Variants in AGBL1 observed in about 807,000 individuals in gnomAD.
AGBL1 encodes cytosolic carboxypeptidase 4.
AGBL1 carries 130 observed loss-of-function variants against 118.9 expected under a neutral mutation model. That is an observed-to-expected ratio of 1.09 (90% CI 0.95 to 1.26). AGBL1 has a LOEUF of 1.26. Ranked by LOEUF, AGBL1 falls within the 50% of genes most tolerant of loss-of-function variation. The pLI is 0.00. For synonymous variants in AGBL1, 555 were observed against 478.9 expected, an observed-to-expected ratio of 1.16 and a Z score of -2.08; for missense variants, 1,584 against 1,298.1, an observed-to-expected ratio of 1.22 and a Z score of -3.38.
intron 22 of AGBL1, among the ~76,000 whole-genome samples, chr15:86,733,359 A>C (rs1455067309): frequency 6.6e-6 from 1 of 152,138 alleles, no homozygotes; most frequent in African/African-American, 2.4e-5. Context: ...TATGATGGCC[A>C]ACCACTGTGA....
At chr15:86,753,571 T>C (rs2077888642) in intron 22 of AGBL1, among the ~76,000 whole-genome samples, 2 of 151,968 alleles carry the variant, frequency 1.3e-5, no homozygotes, top group Non-Finnish European at 2.9e-5. Flanking sequence ...CTAATTTTTG[T>C]ATTTTTAGTA....
chr15:86,795,746 A>C (rs1409841853), intron 22 of AGBL1, among the ~76,000 whole-genome samples: 2 of 151,186 alleles, frequency 1.3e-5, no homozygotes, highest in South Asian at 2.1e-4. Context: ...CACAACACCC[A>C]GCTAATTTTT....
intron 17 of AGBL1, among the ~76,000 whole-genome samples, chr15:86,353,701 T>C (rs1179140306): frequency 1.3e-5 from 2 of 152,192 alleles, no homozygotes; most frequent in African/African-American, 4.8e-5. Context: ...ATCATCTGGA[T>C]GAGTTACTGG....
chr15:86,667,754 C>A (rs955780097), intron 21 of AGBL1, among the ~76,000 whole-genome samples: 1 of 152,098 alleles, frequency 6.6e-6, no homozygotes, highest in African/African-American at 2.4e-5. Flanking sequence ...GTTTGAAATT[C>A]CAAATGGAAG....
At chr15:87,003,372 T>C (rs891708178) in intron 24 of AGBL1, among the ~76,000 whole-genome samples, 11 of 148,224 alleles carry the variant, frequency 7.4e-5, no homozygotes, top group African/African-American at 1.7e-4. Flanking sequence ...CTGCTGGATT[T>C]GGTTTGCCAG....
At chr15:86,348,780 G>GAAAA (rs60441568) in intron 17 of AGBL1, among the ~76,000 whole-genome samples, 1 of 127,916 alleles carries the variant, frequency 7.8e-6, no homozygotes, top group Non-Finnish European at 1.7e-5. Context: ...TGTCTCAAAA[G>GAAAA]AAAAAAAAAA....
chr15:86,684,636 A>G (rs1324392292), intron 22 of AGBL1, among the ~76,000 whole-genome samples: 1 of 152,024 alleles, frequency 6.6e-6, no homozygotes, highest in Non-Finnish European at 1.5e-5. Flanking sequence ...CATAGTTTAG[A>G]TCACAGACAT....
intron 5 of AGBL1, among the ~76,000 whole-genome samples, chr15:86,181,149 C>A (rs1411173584): frequency 6.6e-6 from 1 of 150,768 alleles, no homozygotes; most frequent in Non-Finnish European, 1.5e-5. Context: ...TGTTCACACA[C>A]TCCTCTTCTG....
chr15:86,916,427 TTGTG>T (rs939693029), downstream of AGBL1, among the ~76,000 whole-genome samples: 5 of 150,668 alleles, frequency 3.3e-5, no homozygotes. Context: ...GTGTGTGTGT[TTGTG>T]TGTGTGTGTG....
intron 2 of AGBL1, among the ~76,000 whole-genome samples, chr15:86,142,333 C>T (rs996112690): frequency 1.3e-5 from 2 of 152,322 alleles, no homozygotes; most frequent in African/African-American, 4.8e-5. Context: ...CCCCTCTTCT[C>T]GCCCTGCTCG....
At chr15:86,141,859 A>C (rs1354930065) in intron 1 of AGBL1, 145 bp from the exon 2 acceptor site, 1 of 763,456 alleles carries the variant, frequency 1.3e-6, no homozygotes, top group African/African-American at 1.8e-5. Flanking sequence ...GTCTCTTACC[A>C]AGTGAATCCC....
At chr15:86,803,274 T>C (rs981300060) in intron 22 of AGBL1, among the ~76,000 whole-genome samples, 3 of 152,136 alleles carry the variant, frequency 2.0e-5, no homozygotes, top group African/African-American at 7.2e-5. Flanking sequence ...TGAGATCTGA[T>C]GGTTTTACAA....
chr15:87,007,240 A>C (rs760557965), intron 24 of AGBL1, among the ~76,000 whole-genome samples: 1 of 151,986 alleles, frequency 6.6e-6, no homozygotes, highest in African/African-American at 2.4e-5. Context: ...CGCTAGCTGT[A>C]TATATATATA....
chr15:86,256,144 ACT>A (rs1174323226), intron 7 of AGBL1, among the ~76,000 whole-genome samples: 4 of 152,068 alleles, frequency 2.6e-5, no homozygotes, highest in Non-Finnish European at 5.9e-5. Flanking sequence ...ACTATACTCA[ACT>A]CTCTGTCTCT....
chr15:86,984,425 C>T lies in AGBL1; in HGVS notation c.3222-3562C>T, dbSNP rs190877824. Among the ~76,000 whole-genome samples the T allele has an allele frequency of 5.4e-4, 80 of 147,752 alleles. No individual in the cohort carries two copies. In the East Asian group the frequency reaches 0.012, roughly 22 times the overall value. ...TGTCGCCCGGGCTGGAGTGCAGTGG[C>T]GTGATCTCGGCTCACTGCAACCTCC... is the stretch of plus-strand genomic sequence containing the variant. On this transcript the variant is annotated intron_variant, in intron 23 of 24. Transcript: ENST00000441037.
At chr15:86,427,338 G>A (rs1035300280) in intron 18 of AGBL1, among the ~76,000 whole-genome samples, 3 of 152,058 alleles carry the variant, frequency 2.0e-5, no homozygotes, top group African/African-American at 7.2e-5. Flanking sequence ...GAATATTAGG[G>A]TCTTTCATAA....
chr15:87,009,963 T>G (rs1419255142), intron 24 of AGBL1, among the ~76,000 whole-genome samples: 3 of 152,200 alleles, frequency 2.0e-5, no homozygotes, highest in Non-Finnish European at 4.4e-5. Flanking sequence ...GGGACTTGCC[T>G]TGTCTTGGAT....
intron 17 of AGBL1, among the ~76,000 whole-genome samples, chr15:86,382,286 G>A (rs943215032): frequency 3.9e-5 from 6 of 152,200 alleles, no homozygotes; most frequent in Non-Finnish European, 7.3e-5. Flanking sequence ...ACTTTGAAAC[G>A]AAGGGGCCAG....
intron 22 of AGBL1, among the ~76,000 whole-genome samples, chr15:86,898,676 C>G (rs2080167751): frequency 6.6e-6 from 1 of 151,988 alleles, no homozygotes; most frequent in Non-Finnish European, 1.5e-5. Flanking sequence ...TATCCAGCAT[C>G]TATAAGGAAC....
Sources: gnomAD v4.1 joint callset for allele counts (sites outside exome capture counted in the v4.1 genomes callset) on GRCh38, gnomAD v4.1.1 for gene constraint, MANE v1.5 for transcripts, NCBI Gene and HGNC (gene_info 2026-07-23, HGNC 2026-07-21) for gene names.